The following GABRB1 variants were observed in gnomAD, a reference collection of about 807,000 sequenced individuals.
GABRB1 encodes the protein gamma-aminobutyric acid type A receptor subunit beta1, also known as gamma-aminobutyric acid receptor subunit beta-1.
In GABRB1, 17 loss-of-function variants were observed where a neutral mutation model predicts 51.6. The observed-to-expected ratio is 0.33, with a 90% CI of 0.23 to 0.49. The LOEUF is 0.49. Among genes scored for constraint, GABRB1 ranks in the 20% least tolerant of loss-of-function variants. The pLI, the probability that GABRB1 is intolerant of heterozygous loss-of-function variation, is 0.99. For missense variants in GABRB1, 410 were observed against 600.6 expected, an observed-to-expected ratio of 0.68 and a Z score of 3.32; for synonymous variants, 247 against 218.9, an observed-to-expected ratio of 1.13 and a Z score of -1.14.
chr4:47,011,760 A>G (rs1484825887), intron 1 of GABRB1, among the ~76,000 whole-genome samples: 1 of 152,204 alleles, frequency 6.6e-6, no homozygotes, highest in African/African-American at 2.4e-5. Flanking sequence ...TCAAGCTTTA[A>G]GATTTGTACC....
Position 47,426,200 on chromosome 4 carries a change from A to C in GABRB1, c.*182A>C. On this transcript the variant is annotated 3_prime_UTR_variant, in exon 9 of 9. Coordinates refer to ENST00000295454, the MANE Select transcript of GABRB1 (RefSeq NM_000812.4). ...TTACTTCAAAAAGACAAAACAAAAAAAAAATTATTTTTCCAGTCTACCGTG... is the reference window on the plus strand; with the variant it reads ...TTACTTCAAAAAGACAAAACAAAAACAAAATTATTTTTCCAGTCTACCGTG... 2.0e-6 allele frequency: 1 copy of C among 488,822 alleles called. No individual in the cohort carries two copies. 30.3% of individuals were successfully genotyped at this position (488,822 alleles called of 1,614,324 possible).
At chr4:47,327,190 C>A (rs73133971) in intron 5 of GABRB1, among the ~76,000 whole-genome samples, 2 of 151,818 alleles carry the variant, frequency 1.3e-5, no homozygotes, top group African/African-American at 4.8e-5. Flanking sequence ...ATTTTATATT[C>A]ATGTTTTAAG....
chr4:47,144,168 G>A (rs1037087179), intron 3 of GABRB1, among the ~76,000 whole-genome samples: 1 of 151,932 alleles, frequency 6.6e-6, no homozygotes, highest in African/African-American at 2.4e-5. Context: ...GGTTGACTGA[G>A]TGACTGATAA....
rs191935341 is a variant in GABRB1 at position 47,067,809 on chromosome 4, G to A, written c.240+35325G>A. Among the ~76,000 whole-genome samples the A allele has an allele frequency of 1.5e-3, 221 of 151,888 alleles. 1 individual carries two copies. Among genetic ancestry groups the A allele is most frequent in the African/African-American group, 5.0e-3 (207 of 41,406 alleles). On this transcript the variant is annotated intron_variant, in intron 3 of 8. Transcript: ENST00000295454. ...GTTACATAGGTAAATGGTTTGCTGCGCAGATCAACCCATCACCTAGGTACT... is the reference window on the plus strand; with the variant it reads ...GTTACATAGGTAAATGGTTTGCTGCACAGATCAACCCATCACCTAGGTACT...
chr4:47,426,014 A>C lies in GABRB1; in HGVS notation c.1421A>C (p.His474Pro). 1 of 1,580,226 alleles carries C rather than the reference A, an allele frequency of 6.3e-7. No homozygotes were observed. The highest frequency in any genetic ancestry group is 8.6e-7 in the Non-Finnish European group (1 of 1,160,872). Reference protein sequence around the residue: ...FNVVYWLYYVH With the variant: ...FNVVYWLYYVP ...GTCGTCTATTGGCTTTACTATGTAC[A>C]CTGAGGTCTGTTCTAATGGTTCCAT... is the stretch of plus-strand genomic sequence containing the variant. The change falls in exon 9 of 9, where the codon CAC (histidine) becomes CCC (proline). Residue 474 changes from histidine (H) to proline (P), a missense_variant. His to Pro is a moderately conservative substitution (Grantham distance 77). Coordinates refer to ENST00000295454, the MANE Select transcript of GABRB1 (RefSeq NM_000812.4).
At chr4:47,198,027 C>T (rs4695194) in intron 4 of GABRB1, among the ~76,000 whole-genome samples, 165 of 152,230 alleles carry the variant, frequency 1.1e-3, no homozygotes, top group African/African-American at 3.6e-3. Flanking sequence ...CTGAATATCA[C>T]GAGAGGGCAG....
chr4:47,076,265 C>T (rs1048182163), intron 3 of GABRB1, among the ~76,000 whole-genome samples: 2 of 152,218 alleles, frequency 1.3e-5, no homozygotes, highest in African/African-American at 2.4e-5. Flanking sequence ...GGAAATCTTG[C>T]TCTCAAAAAG....
intron 4 of GABRB1, among the ~76,000 whole-genome samples, chr4:47,306,741 T>A (rs989546919): frequency 2.0e-5 from 3 of 152,188 alleles, no homozygotes; most frequent in Non-Finnish European, 4.4e-5. Context: ...ATCTCTTCTT[T>A]TTTTTGTTTG....
chr4:47,083,728 G>A (rs1727949163), intron 3 of GABRB1, among the ~76,000 whole-genome samples: 1 of 152,014 alleles, frequency 6.6e-6, no homozygotes, highest in Non-Finnish European at 1.5e-5. Flanking sequence ...TTGGAATTAT[G>A]GCTCCTATCT....
At chr4:47,379,619 T>C (rs1458157310) in intron 5 of GABRB1, among the ~76,000 whole-genome samples, 2 of 152,204 alleles carry the variant, frequency 1.3e-5, no homozygotes, top group African/African-American at 4.8e-5. Flanking sequence ...CTGTGTACTA[T>C]ACTATAGCTA....
chr4:47,201,068 A>G (rs1267268304), intron 4 of GABRB1, among the ~76,000 whole-genome samples: 1 of 152,160 alleles, frequency 6.6e-6, no homozygotes. Flanking sequence ...TCCATGCTTC[A>G]TAAAATATAT....
At chr4:47,378,034 G>A (rs1037966821) in intron 5 of GABRB1, among the ~76,000 whole-genome samples, 84 of 152,350 alleles carry the variant, frequency 5.5e-4, no homozygotes, top group South Asian at 2.1e-4. Flanking sequence ...GTCCGGCACC[G>A]TGCGCCCACG....
rs192248998 is a variant in GABRB1 at position 47,224,898 on chromosome 4, T to C, written c.461+63429T>C. Among the ~76,000 whole-genome samples the C allele has an allele frequency of 4.3e-4, 66 of 152,278 alleles. No homozygotes were observed. The East Asian group carries it at 8.3e-3, about 19-fold the overall frequency. On this transcript the variant is annotated intron_variant, in intron 4 of 8. Coordinates refer to ENST00000295454, the MANE Select transcript of GABRB1 (RefSeq NM_000812.4). ...CTTTTGTTGCTGTTGCTGTTGTTTT[T>C]GTTTTTTGTTTTTGAGACAGAGTTT...
rs151331693 is a variant in GABRB1, at chr4:47,202,645, C to G, written c.461+41176C>G. Among the ~76,000 whole-genome samples, 423 of 152,216 alleles carry G rather than the reference C, an allele frequency of 2.8e-3. 3 individuals are homozygous for G. Among genetic ancestry groups the G allele is most frequent in the African/African-American group, 9.1e-3 (380 of 41,546 alleles). ...AATAGCTAATGAAAAGAAACAAGAA[C>G]AGAGTTGACAAGACTGTCTCAAATA... On this transcript the variant is annotated intron_variant, in intron 4 of 8. Transcript: ENST00000295454.
intron 5 of GABRB1, among the ~76,000 whole-genome samples, chr4:47,379,261 G>T (rs1476821477): frequency 6.6e-6 from 1 of 152,024 alleles, no homozygotes; most frequent in Non-Finnish European, 1.5e-5. Flanking sequence ...GTCCCTGATT[G>T]GTGATAGTTT....
At chr4:47,087,997 G>T (rs187644229) in intron 3 of GABRB1, among the ~76,000 whole-genome samples, 1 of 152,060 alleles carries the variant, frequency 6.6e-6, no homozygotes, top group Non-Finnish European at 1.5e-5. Flanking sequence ...CAATTTCTAC[G>T]TTTCATGATA....
intron 3 of GABRB1, among the ~76,000 whole-genome samples, chr4:47,054,265 G>T (rs916049390): frequency 6.6e-6 from 1 of 152,068 alleles, no homozygotes; most frequent in Non-Finnish European, 1.5e-5. Flanking sequence ...AGGGAGACCA[G>T]GAGAATGTGT....
At chr4:47,407,911 G>A (rs1560373100) in intron 8 of GABRB1, among the ~76,000 whole-genome samples, 1 of 152,078 alleles carries the variant, frequency 6.6e-6, no homozygotes, top group Non-Finnish European at 1.5e-5. Flanking sequence ...GGGCAACATG[G>A]CAAAACCTCA....
intron 4 of GABRB1, among the ~76,000 whole-genome samples, chr4:47,163,226 T>C (rs544836430): frequency 2.8e-4 from 42 of 152,244 alleles, no homozygotes; most frequent in African/African-American, 7.9e-4. Flanking sequence ...TTACTCATTA[T>C]TGGAACAATC....
Sources: allele counts gnomAD v4.1 joint callset (sites outside exome capture counted in the v4.1 genomes callset), GRCh38; gene constraint gnomAD v4.1.1; transcripts MANE v1.5; gene names NCBI Gene and HGNC (gene_info 2026-07-23, HGNC 2026-07-21).